Variants in PCLO observed in about 807,000 individuals in gnomAD.
The protein encoded by PCLO is piccolo presynaptic cytomatrix protein.
Under a neutral mutation model 427.5 loss-of-function variants are expected in PCLO, and 82 were observed. The observed-to-expected ratio is 0.19, with a 90% CI of 0.16 to 0.23. The LOEUF is 0.23. Among genes scored for constraint, PCLO ranks in the 10% least tolerant of loss-of-function variants. PCLO has a pLI of 1.00. For missense variants in PCLO, 6,239 were observed against 6,115.9 expected (o/e 1.02, Z -0.67); for synonymous variants, 2,357 against 2,155.4 (o/e 1.09, Z -2.59).
intron 3 of PCLO, among the ~76,000 whole-genome samples, chr7:83,066,047 TAC>T (rs1789663694): frequency 6.6e-6 from 1 of 152,146 alleles, no homozygotes; most frequent in Non-Finnish European, 1.5e-5. Context: ...CTTTAGCACT[TAC>T]ATTTTCTTCT....
chr7:82,870,417 C>T (rs371456233), intron 10 of PCLO, among the ~76,000 whole-genome samples: 2 of 152,062 alleles, frequency 1.3e-5, no homozygotes. Flanking sequence ...AGCATTATCT[C>T]TTACATATCA....
At chr7:82,978,835 A>AACAC (rs764956145) in intron 3 of PCLO, among the ~76,000 whole-genome samples, 4 of 129,814 alleles carry the variant, frequency 3.1e-5, no homozygotes, top group Admixed American at 8.5e-5. Context: ...AGGAACAAGA[A>AACAC]ACACACACAC....
chr7:83,092,801 G>T (rs1790411300), intron 3 of PCLO, among the ~76,000 whole-genome samples: 1 of 151,884 alleles, frequency 6.6e-6, no homozygotes, highest in African/African-American at 2.4e-5. Context: ...TACAAAGTTG[G>T]TCGGGTGTGG....
At chr7:83,052,983 C>A (rs1464804711) in intron 3 of PCLO, among the ~76,000 whole-genome samples, 1 of 151,934 alleles carries the variant, frequency 6.6e-6, no homozygotes, top group African/African-American at 2.4e-5. Context: ...TTTTTAAAAG[C>A]CAAATAATAT....
chr7:83,068,686 T>G (rs998470889), intron 3 of PCLO, among the ~76,000 whole-genome samples: 32 of 152,180 alleles, frequency 2.1e-4, no homozygotes, highest in Non-Finnish European at 2.6e-4. Context: ...GAATGTAAAT[T>G]AGTACAGCTA....
At chr7:83,078,516 T>C (rs1301799371) in intron 3 of PCLO, among the ~76,000 whole-genome samples, 1 of 150,390 alleles carries the variant, frequency 6.6e-6, no homozygotes, top group African/African-American at 2.5e-5. Flanking sequence ...AATATGTTGC[T>C]AGCATTATTA....
intron 3 of PCLO, among the ~76,000 whole-genome samples, chr7:83,131,212 T>C (rs551420370): frequency 1.3e-5 from 2 of 152,320 alleles, no homozygotes; most frequent in African/African-American, 4.8e-5. Context: ...GAATTGTCTC[T>C]TGCTGTCAGA....
intron 10 of PCLO, among the ~76,000 whole-genome samples, chr7:82,853,346 C>A (rs1172111841): frequency 6.6e-6 from 1 of 151,982 alleles, no homozygotes; most frequent in Non-Finnish European, 1.5e-5. Flanking sequence ...TCTATGGGTA[C>A]CCTTAGACAC....
At chr7:83,068,782 C>A (rs1330548521) in intron 3 of PCLO, among the ~76,000 whole-genome samples, 1 of 152,034 alleles carries the variant, frequency 6.6e-6, no homozygotes, top group Non-Finnish European at 1.5e-5. Context: ...GGTATATATT[C>A]AAAGGAAATG....
chr7:82,881,975 C>T (rs961941379), intron 9 of PCLO, among the ~76,000 whole-genome samples: 2 of 151,910 alleles, frequency 1.3e-5, no homozygotes, highest in Non-Finnish European at 2.9e-5. Flanking sequence ...AATTAAGTTG[C>T]ATAAGAAGAT....
At position 82,953,907 on chromosome 7, in the gene PCLO, G is replaced by T; in HGVS notation, c.7046C>A (p.Ala2349Asp). 1 of 1,613,898 alleles carries T rather than the reference G, an allele frequency of 6.2e-7. No homozygotes were observed. The highest frequency in any genetic ancestry group is 8.5e-7 in the Non-Finnish European group (1 of 1,179,836). Residue 2349 changes from alanine to aspartate, a missense_variant, in exon 5 of 25, where the codon GCC (alanine) becomes GAC (aspartate). Ala to Asp is a moderately radical substitution (Grantham distance 126). Coordinates refer to ENST00000333891, the MANE Select transcript of PCLO (RefSeq NM_033026.6). ...TGAAAGCTGCTCTTTCATTGGAAGG[G>T]CTATTACAGAAGAAGGTGGGTGATC... is the stretch of plus-strand genomic sequence containing the variant. Reference protein sequence around the residue: ...VFDHPPSSVIALPMKEQLSTT... With the variant: ...VFDHPPSSVIDLPMKEQLSTT...
At chr7:82,923,683 T>G (rs1794648223) in intron 6 of PCLO, among the ~76,000 whole-genome samples, 1 of 152,098 alleles carries the variant, frequency 6.6e-6, no homozygotes, top group African/African-American at 2.4e-5. Context: ...AAGAAATAGA[T>G]ATATTCTAGC....
At chr7:83,152,034 G>T (rs988261029) in intron 2 of PCLO, among the ~76,000 whole-genome samples, 1 of 150,784 alleles carries the variant, frequency 6.6e-6, no homozygotes, top group Non-Finnish European at 1.5e-5. Flanking sequence ...GCGTGATCTT[G>T]GCTCACTGCA....
chr7:82,856,128 T>C (rs1252768183), intron 10 of PCLO, among the ~76,000 whole-genome samples: 2 of 152,036 alleles, frequency 1.3e-5, no homozygotes, highest in Non-Finnish European at 2.9e-5. Flanking sequence ...TGTTCTAGAA[T>C]GTGTAATACC....
At chr7:82,901,930 G>GT (rs1450970101) in intron 9 of PCLO, among the ~76,000 whole-genome samples, 1 of 151,302 alleles carries the variant, frequency 6.6e-6, no homozygotes, top group African/African-American at 2.4e-5. Flanking sequence ...GAAACAACAG[G>GT]TGCTGGAGAG....
At chr7:83,123,611 A>G (rs1252668902) in intron 3 of PCLO, among the ~76,000 whole-genome samples, 1 of 152,196 alleles carries the variant, frequency 6.6e-6, no homozygotes, top group African/African-American at 2.4e-5. Context: ...CAACAAAAGC[A>G]AAAGTTGAAA....
intron 20 of PCLO, chr7:82,821,731 T>C: frequency 1.0e-6 from 1 of 983,868 alleles, no homozygotes; most frequent in Non-Finnish European, 1.2e-6. Context: ...AAAATATCTG[T>C]AAAATCTGTC....
At chr7:82,913,756 T>C (rs1210334395) in intron 7 of PCLO, among the ~76,000 whole-genome samples, 1 of 152,066 alleles carries the variant, frequency 6.6e-6, no homozygotes, top group East Asian at 1.9e-4. Flanking sequence ...TACTTGTTTA[T>C]GGTTGTATAT....
intron 22 of PCLO, among the ~76,000 whole-genome samples, chr7:82,800,240 C>T (rs1249248188): frequency 1.3e-5 from 2 of 152,118 alleles, no homozygotes; most frequent in South Asian, 2.1e-4. Flanking sequence ...ATCACTTAGA[C>T]CCAGCATTTG....
Sources: allele counts gnomAD v4.1 joint callset (sites outside exome capture counted in the v4.1 genomes callset), GRCh38; gene constraint gnomAD v4.1.1; transcripts MANE v1.5; gene names NCBI Gene and HGNC (gene_info 2026-07-23, HGNC 2026-07-21).